NR5A2: variants seen among roughly 807,000 people sequenced by gnomAD.
NR5A2 encodes nuclear receptor subfamily 5 group A member 2.
In NR5A2, 26 loss-of-function variants were observed where a neutral mutation model predicts 62.7. The observed-to-expected ratio is 0.41, with a 90% CI of 0.30 to 0.58. The LOEUF is 0.58. Ranked by LOEUF, NR5A2 falls within the 20% of genes least tolerant of loss-of-function variation. The pLI is 0.22. For synonymous variants in NR5A2, 246 were observed against 241.7 expected, an observed-to-expected ratio of 1.02 and a Z score of -0.16; for missense variants, 541 against 669.1, an observed-to-expected ratio of 0.81 and a Z score of 2.11.
At chr1:200,165,017 C>T (rs1171829503) in intron 7 of NR5A2, among the ~76,000 whole-genome samples, 1 of 151,704 alleles carries the variant, frequency 6.6e-6, no homozygotes, top group Non-Finnish European at 1.5e-5. Flanking sequence ...GCTGGGATTA[C>T]AGGCATGCAC....
chr1:200,073,322 T>TCA (rs1663839569), intron 5 of NR5A2, among the ~76,000 whole-genome samples: 1 of 36,554 alleles, frequency 2.7e-5, no homozygotes. Flanking sequence ...ATATTCCCCT[T>TCA]TATATATATA....
intron 5 of NR5A2, among the ~76,000 whole-genome samples, chr1:200,056,450 T>G (rs1436035693): frequency 6.6e-6 from 1 of 152,244 alleles, no homozygotes; most frequent in Non-Finnish European, 1.5e-5. Context: ...AAACAGCTCT[T>G]TCACACTTTA....
intron 6 of NR5A2, 117 bp downstream of exon 6, chr1:200,111,438 C>A: frequency 8.7e-7 from 1 of 1,146,026 alleles, no homozygotes; most frequent in Non-Finnish European, 1.2e-6. Context: ...AGATTGGCTG[C>A]CAATAATTTA....
intron 5 of NR5A2, among the ~76,000 whole-genome samples, chr1:200,050,901 A>G (rs1190910884): frequency 6.6e-6 from 1 of 152,192 alleles, no homozygotes; most frequent in Non-Finnish European, 1.5e-5. Context: ...TCAAAAATAA[A>G]TAAATAAATA....
intron 5 of NR5A2, among the ~76,000 whole-genome samples, chr1:200,108,715 A>G (rs983688130): frequency 3.9e-5 from 6 of 152,224 alleles, no homozygotes; most frequent in Non-Finnish European, 7.3e-5. Context: ...CCAAATTACC[A>G]TCATAGACTA....
At chr1:200,078,957 T>C (rs1453934282) in intron 5 of NR5A2, among the ~76,000 whole-genome samples, 1 of 152,216 alleles carries the variant, frequency 6.6e-6, no homozygotes, top group Non-Finnish European at 1.5e-5. Context: ...TTTCTATTAA[T>C]TTCTCTGTAT....
chr1:200,117,491 T>C (rs954769955), intron 6 of NR5A2, among the ~76,000 whole-genome samples: 6 of 152,242 alleles, frequency 3.9e-5, no homozygotes, highest in Non-Finnish European at 5.9e-5. Context: ...TAAAGGTCTC[T>C]CACTAAATAT....
chr1:200,064,607 G>T (rs1663385025), intron 5 of NR5A2, among the ~76,000 whole-genome samples: 1 of 152,126 alleles, frequency 6.6e-6, no homozygotes, highest in Non-Finnish European at 1.5e-5. Context: ...AAGCAAAGGG[G>T]AGCCACTGGA....
intron 6 of NR5A2, among the ~76,000 whole-genome samples, chr1:200,118,130 C>A (rs1666326857): frequency 6.7e-6 from 1 of 149,774 alleles, no homozygotes; most frequent in Non-Finnish European, 1.5e-5. Flanking sequence ...GATTCTCCTG[C>A]CTCAGCCTCC....
chr1:200,064,665 A>G (rs930027388), intron 5 of NR5A2, among the ~76,000 whole-genome samples: 3 of 152,228 alleles, frequency 2.0e-5, no homozygotes, highest in Non-Finnish European at 2.9e-5. Flanking sequence ...TACCAGGGAC[A>G]TATGCCCACC....
chr1:200,051,044 G>A (rs1202425635), intron 5 of NR5A2, among the ~76,000 whole-genome samples: 1 of 152,170 alleles, frequency 6.6e-6, no homozygotes, highest in Non-Finnish European at 1.5e-5. Flanking sequence ...TTATAGAGTA[G>A]TATGATTTTG....
intron 5 of NR5A2, among the ~76,000 whole-genome samples, chr1:200,066,402 G>C (rs1663470187): frequency 6.6e-6 from 1 of 152,084 alleles, no homozygotes; most frequent in African/African-American, 2.4e-5. Context: ...TAAACAGATA[G>C]AGCCAGGTGC....
chr1:200,071,604 T>G (rs918611414), intron 5 of NR5A2, among the ~76,000 whole-genome samples: 1 of 152,326 alleles, frequency 6.6e-6, no homozygotes, highest in African/African-American at 2.4e-5. Context: ...TTTGATCAGG[T>G]TTAGAGCAGA....
chr1:200,095,146 TCTCA>T (rs992376888), intron 5 of NR5A2, among the ~76,000 whole-genome samples: 8 of 148,154 alleles, frequency 5.4e-5, no homozygotes, highest in Admixed American at 1.3e-4. Context: ...AAAAAAAAGA[TCTCA>T]CTGTTTCCCG....
At chr1:200,130,266 A>G (rs1666906886) in intron 7 of NR5A2, among the ~76,000 whole-genome samples, 1 of 136,376 alleles carries the variant, frequency 7.3e-6, no homozygotes, top group African/African-American at 2.6e-5. Context: ...ATCTGCTTGC[A>G]GGAACTAACT....
intron 5 of NR5A2, among the ~76,000 whole-genome samples, chr1:200,050,892 C>G: frequency 6.6e-6 from 1 of 151,936 alleles, no homozygotes; most frequent in East Asian, 1.9e-4. Flanking sequence ...AACTCCATCT[C>G]AAAAATAAAT....
rs189778837 is a variant in NR5A2 at position 200,164,825 on chromosome 1, G to A, written c.1379-9138G>A. 2.0e-3 allele frequency among the ~76,000 whole-genome samples: 302 copies of A among 149,822 alleles called. 1 individual carries two copies. The highest frequency in any genetic ancestry group is 7.0e-3 in the African/African-American group (285 of 40,648). ...GGCCTCTCAAAGTGCTAGGATTACA[G>A]GCATGAGTCACCGCACCTGGCCAAC... On this transcript the variant is annotated intron_variant, in intron 7 of 7. Transcript: ENST00000367362.
chr1:200,090,061 A>G (rs930933114), intron 5 of NR5A2, among the ~76,000 whole-genome samples: 1 of 152,146 alleles, frequency 6.6e-6, no homozygotes, highest in Non-Finnish European at 1.5e-5. Context: ...GATGGGATGT[A>G]AGATGATCGC....
chr1:200,108,073 A>C (rs1665773420), intron 5 of NR5A2, among the ~76,000 whole-genome samples: 1 of 117,242 alleles, frequency 8.5e-6, no homozygotes, highest in Admixed American at 9.9e-5. Flanking sequence ...ATGGCTCTAG[A>C]AGACATACGT....
Sources: allele counts gnomAD v4.1 joint callset (sites outside exome capture counted in the v4.1 genomes callset), GRCh38; gene constraint gnomAD v4.1.1; transcripts MANE v1.5; gene names NCBI Gene and HGNC (gene_info 2026-07-23, HGNC 2026-07-21).